FNBP1: variants seen among roughly 807,000 people sequenced by gnomAD.
FNBP1 encodes formin binding protein 1, also known as formin-binding protein 1.
Under a neutral mutation model 90.6 loss-of-function variants are expected in FNBP1, and 26 were observed. The observed-to-expected ratio is 0.29, with a 90% confidence interval of 0.21 to 0.40. The LOEUF is 0.40. Ranked by LOEUF, FNBP1 falls within the 10% of genes least tolerant of loss-of-function variation. The pLI is 1.00. For synonymous variants in FNBP1, 260 were observed against 265.2 expected (o/e 0.98, Z 0.19); for missense variants, 635 against 768.0 (o/e 0.83, Z 2.05).
Position 129,929,550 on chromosome 9 carries a change from A to G in FNBP1, c.642+17T>C, listed in dbSNP as rs1348109364. ...CAAAGCATAAAACATGAAATCTGAG[A>G]GATGTTCAGGACTTACCTGGAAGAT... On this transcript the variant is annotated intron_variant, in intron 7 of 16. Transcript: ENST00000446176. The G allele has an allele frequency of 5.0e-6, 8 of 1,611,522 alleles. No individual in the cohort carries two copies. The highest frequency in any genetic ancestry group is 4.5e-5 in the East Asian group (2 of 44,872).
At chr9:129,954,422 T>C (rs972571178) in intron 6 of FNBP1, among the ~76,000 whole-genome samples, 1 of 151,954 alleles carries the variant, frequency 6.6e-6, no homozygotes, top group African/African-American at 2.4e-5. Context: ...AAATTATAGA[T>C]CAATTTCAAT....
intron 4 of FNBP1, among the ~76,000 whole-genome samples, chr9:129,967,237 CG>C (rs971730732): frequency 6.6e-6 from 1 of 152,076 alleles, no homozygotes; most frequent in African/African-American, 2.4e-5. Context: ...GTTTTGGGGC[CG>C]GGAGCGGTGG....
In FNBP1 at chr9:129,914,779, ATATATATATATATATC is replaced by A. The variant is rs1259552718; in HGVS notation, c.1185+1171_1185+1186del. 1.5e-3 allele frequency: 209 copies of A among 141,408 alleles called. 1 individual carries two copies. The highest frequency in any genetic ancestry group is 5.3e-3 in the African/African-American group (200 of 37,486). 8.8% of individuals were successfully genotyped at this position (141,408 alleles called of 1,614,324 possible). Reference sequence around the variant, plus strand: ...TGTCTATATATATATATATATATATATATATATATATATATCTCACCATAAAATACTATCCTAGGTT... The same window carrying A: ...TGTCTATATATATATATATATATATATCACCATAAAATACTATCCTAGGTT... On this transcript the variant is annotated intron_variant, in intron 11 of 16. Coordinates refer to ENST00000446176, the MANE Select transcript of FNBP1 (RefSeq NM_015033.3).
At position 129,957,316 on chromosome 9, in the gene FNBP1, G is replaced by C; in HGVS notation, c.513+44C>G. The C allele has an allele frequency of 7.2e-7, 1 of 1,391,630 alleles. No homozygotes were observed. The highest frequency in any genetic ancestry group is 1.0e-6 in the Non-Finnish European group (1 of 982,126). The allele number at this position is 1,391,630 out of a possible 1,614,324, so 86.2% of individuals were successfully genotyped here. On this transcript the variant is annotated intron_variant, in intron 6 of 16. Coordinates refer to ENST00000446176, the MANE Select transcript of FNBP1 (RefSeq NM_015033.3). This position sits in a 1 kb window ranked among gnomAD's most constrained non-coding sequence, Gnocchi z 4.3. ...GCCTCCCAAAGTGCTGGGATTACAG[G>C]CGTGAGCCACCGTGCCCGGCCCACA... is the stretch of plus-strand genomic sequence containing the variant.
At chr9:129,976,911 A>T (rs2050406487) in intron 4 of FNBP1, among the ~76,000 whole-genome samples, 1 of 152,058 alleles carries the variant, frequency 6.6e-6, no homozygotes, top group South Asian at 2.1e-4. Flanking sequence ...CACGCCTGTA[A>T]TCCCAGCACT....
At chr9:129,970,826 C>G (rs1366108227) in intron 4 of FNBP1, among the ~76,000 whole-genome samples, 2 of 152,122 alleles carry the variant, frequency 1.3e-5, no homozygotes, top group Admixed American at 6.6e-5. Flanking sequence ...CAAGGAAGAA[C>G]CTAAACTGCT....
At chr9:129,992,788 G>A (rs1194613487) in intron 2 of FNBP1, among the ~76,000 whole-genome samples, 3 of 149,756 alleles carry the variant, frequency 2.0e-5, no homozygotes, top group African/African-American at 4.9e-5. Context: ...TCCTGACCTC[G>A]TGATCCACCT....
chr9:130,027,085 C>A (rs1271277510), intron 1 of FNBP1, among the ~76,000 whole-genome samples: 1 of 151,872 alleles, frequency 6.6e-6, no homozygotes, highest in African/African-American at 2.4e-5. Flanking sequence ...GGGGAAATGG[C>A]AAAACCATAT....
chr9:129,958,749 GGAA>G (rs1371655898), intron 4 of FNBP1, among the ~76,000 whole-genome samples, 196 bp from the exon 5 acceptor site: 1 of 151,798 alleles, frequency 6.6e-6, no homozygotes. Flanking sequence ...GGGAGGCTGA[GGAA>G]GAAGAATCGC....
chr9:129,923,603 A>G (rs1434777329), intron 10 of FNBP1, among the ~76,000 whole-genome samples: 1 of 151,126 alleles, frequency 6.6e-6, no homozygotes, highest in Non-Finnish European at 1.5e-5. Flanking sequence ...GAAAGAAACA[A>G]ATAGAAAGAA....
intron 1 of FNBP1, among the ~76,000 whole-genome samples, chr9:130,036,548 C>T (rs1253859934): frequency 6.6e-6 from 1 of 152,158 alleles, no homozygotes; most frequent in East Asian, 1.9e-4. Context: ...AGGCCTCCCA[C>T]GGTTTGTTTT....
rs138318182 is a variant in FNBP1 at position 129,929,372 on chromosome 9, T to C, written c.642+195A>G. Among the ~76,000 whole-genome samples, 440 of 140,084 alleles carry C rather than the reference T, an allele frequency of 3.1e-3. 2 individuals carry two copies. The highest frequency in any genetic ancestry group is 0.012 in the Middle Eastern group (3 of 252). The allele number at this position is 140,084 out of a possible 152,430, so 91.9% of individuals were successfully genotyped here. On this transcript the variant is annotated intron_variant, in intron 7 of 16. Coordinates refer to ENST00000446176, the MANE Select transcript of FNBP1 (RefSeq NM_015033.3). ...TTGCAATGAGCCGAGACTGTGCCAT[T>C]GCACTCCAGCCTGGGTGACAAAGCA...
At chr9:130,039,440 C>T (rs2059630289) in intron 1 of FNBP1, among the ~76,000 whole-genome samples, 1 of 151,990 alleles carries the variant, frequency 6.6e-6, no homozygotes, top group African/African-American at 2.4e-5. Flanking sequence ...TTTGGGAGGC[C>T]GAGGCGGGCA....
Position 130,041,533 on chromosome 9 carries a change from C to G in FNBP1, c.24+1419G>C, listed in dbSNP as rs1265526912. On this transcript the variant is annotated intron_variant, in intron 1 of 16. Transcript: ENST00000446176. The surrounding 1 kb of genome is among the most constrained non-coding windows in gnomAD (Gnocchi z 4.3). ...AGAGGAAAGAAACTTCAATACGGTACTCAAAGTCATAGATTTTGCCTAAAC... is the reference window on the plus strand; with the variant it reads ...AGAGGAAAGAAACTTCAATACGGTAGTCAAAGTCATAGATTTTGCCTAAAC... Among the ~76,000 whole-genome samples the G allele has an allele frequency of 2.0e-5, 3 of 152,188 alleles. No individual in the cohort carries two copies. Among genetic ancestry groups the G allele is most frequent in the Non-Finnish European group, 4.4e-5 (3 of 68,038 alleles).
intron 1 of FNBP1, among the ~76,000 whole-genome samples, chr9:130,006,804 T>C (rs1267655328): frequency 6.6e-6 from 1 of 152,212 alleles, no homozygotes; most frequent in Non-Finnish European, 1.5e-5. Context: ...ACTACGTTCA[T>C]GGCTCTTTGT....
chr9:130,046,398 A>T (rs1299236311), upstream of FNBP1, among the ~76,000 whole-genome samples: 1 of 151,946 alleles, frequency 6.6e-6, no homozygotes, highest in Non-Finnish European at 1.5e-5. Context: ...ACTCCAAAAA[A>T]CAAAGTTCTG....
intron 11 of FNBP1, among the ~76,000 whole-genome samples, chr9:129,910,504 A>AAAAAAAAAAAAAG (rs1298095363): frequency 9.6e-6 from 1 of 104,058 alleles, no homozygotes; most frequent in Non-Finnish European, 1.8e-5. Flanking sequence ...AAAAAAAAAA[A>AAAAAAAAAAAAAG]AGAGAGAGAG....
In FNBP1 at chr9:129,924,847, T is replaced by C. The variant is rs987779581; in HGVS notation, c.987+113A>G. On this transcript the variant is annotated intron_variant, in intron 9 of 16. Transcript: ENST00000446176. ...CTCAACATAAGGTAGCACACTAGCT[T>C]CTTCTTTTGCATTCTGAAACTACAG... is the stretch of plus-strand genomic sequence containing the variant. 1.6e-4 allele frequency: 148 copies of C among 922,874 alleles called. 1 individual carries two copies. The highest frequency in any genetic ancestry group is 3.1e-4 in the Middle Eastern group (1 of 3,206). The allele number at this position is 922,874 out of a possible 1,614,324, so 57.2% of individuals were successfully genotyped here. A position where few individuals can be genotyped will look rare whatever the true frequency, so the allele number is the denominator to read the frequency against.
At chr9:130,014,505 G>GC (rs1321370152) in intron 1 of FNBP1, among the ~76,000 whole-genome samples, 1 of 151,978 alleles carries the variant, frequency 6.6e-6, no homozygotes, top group Non-Finnish European at 1.5e-5. Flanking sequence ...ACCTGCCTCG[G>GC]CCCCCCAAAG....
Sources: gnomAD v4.1 joint callset for allele counts (sites outside exome capture counted in the v4.1 genomes callset) on GRCh38, gnomAD v4.1.1 for gene constraint, Gnocchi (gnomAD v3.1) non-coding constraint, MANE v1.5 for transcripts, NCBI Gene and HGNC (gene_info 2026-07-23, HGNC 2026-07-21) for gene names.